The following POLR2E variants were observed in gnomAD, a reference collection of about 807,000 sequenced individuals.
The protein encoded by POLR2E is DNA-directed RNA polymerases I, II, and III subunit RPABC1.
Under a neutral mutation model 29.8 loss-of-function variants are expected in POLR2E, and 35 were observed. That is an observed-to-expected ratio of 1.17 (90% CI 0.90 to 1.55). The LOEUF is 1.55. Ranked by LOEUF, POLR2E falls within the 40% of genes most tolerant of loss-of-function variation. The pLI is 0.00. For missense variants in POLR2E, 287 were observed against 288.6 expected (o/e 0.99, Z 0.04); for synonymous variants, 174 against 112.6 (o/e 1.55, Z -3.45).
chr19:1,089,806 C>A, intron 6 of POLR2E, 78 bp downstream of exon 6: 1 of 1,185,260 alleles, frequency 8.4e-7, no homozygotes, highest in East Asian at 2.4e-5. Flanking sequence ...GAGGGGCTGT[C>A]GGGGAGGGAC....
rs2043858748 is a variant in POLR2E, at chr19:1,092,541, A to T, written c.233-634T>A. Among the ~76,000 whole-genome samples, 4 of 152,008 alleles carry T rather than the reference A, an allele frequency of 2.6e-5. No individual in the cohort carries two copies. In the South Asian group the frequency reaches 8.3e-4, roughly 32 times the overall value. On this transcript the variant is annotated intron_variant, in intron 2 of 7. Transcript: ENST00000615234. ...AAGGTGAAATCCCGTTTCTACTAAA[A>T]ATACAAAAAATTAGCCCACGCCCGC...
intron 2 of POLR2E, 35 bp from the exon 3 acceptor site, chr19:1,091,942 TG>T: frequency 6.8e-7 from 1 of 1,464,752 alleles, no homozygotes; most frequent in African/African-American, 1.4e-5. Flanking sequence ...TGCACGAGCC[TG>T]GGCCCTCGTG....
intron 1 of POLR2E, chr19:1,094,982 T>A: frequency 2.9e-5 from 11 of 372,938 alleles, no homozygotes; most frequent in East Asian, 5.6e-5. Flanking sequence ...CGCGGCTTCC[T>A]CCTCCTCTCG....
chr19:1,089,590 G>C, intron 6 of POLR2E, 39 bp from the exon 7 acceptor site: 1 of 1,555,248 alleles, frequency 6.4e-7, no homozygotes, highest in Non-Finnish European at 8.9e-7. Flanking sequence ...ATGCTTGAGG[G>C]GTCTCACTGC....
chr19:1,088,460 C>G lies in POLR2E; in HGVS notation c.*275G>C, dbSNP rs1189155514. Reference sequence around the variant, plus strand: ...GGACCCAGCGTGGTCTGGGTGAAGACCCGGCACCAGCTGCCCCCAGGTGAC... The same window carrying G: ...GGACCCAGCGTGGTCTGGGTGAAGAGCCGGCACCAGCTGCCCCCAGGTGAC... On this transcript the variant is annotated 3_prime_UTR_variant, in exon 8 of 8. Coordinates refer to ENST00000615234, the MANE Select transcript of POLR2E (RefSeq NM_002695.5). 2.0e-5 allele frequency: 3 copies of G among 152,460 alleles called. No individual in the cohort carries two copies. The highest frequency in any genetic ancestry group is 1.9e-4 in the East Asian group (1 of 5,188). The allele number at this position is 152,460 out of a possible 1,614,324, so 9.4% of individuals were successfully genotyped here.
chr19:1,091,778 GC>G lies in POLR2E; in HGVS notation c.348+13del. On this transcript the variant is annotated intron_variant, in intron 3 of 7. Transcript: ENST00000615234. The stretch of plus-strand genomic sequence containing the variant: ...GAGGGGGAGAGGCTGGCGGGGTGGG[GC>G]AGGGGTGCCCACCTGCTTGGCGGAG... 1 of 1,537,138 alleles carries G rather than the reference GC, an allele frequency of 6.5e-7. No individual in the cohort carries two copies. Among genetic ancestry groups the G allele is most frequent in the Non-Finnish European group, 8.9e-7 (1 of 1,117,992 alleles).
At position 1,088,625 on chromosome 19, in the gene POLR2E, G is replaced by C. The variant is rs1255158739; in HGVS notation, c.*110C>G. The C allele has an allele frequency of 1.3e-5, 2 of 152,622 alleles. No homozygotes were observed. Among genetic ancestry groups the C allele is most frequent in the Non-Finnish European group, 1.5e-5 (1 of 68,324 alleles). 9.5% of individuals were successfully genotyped at this position (152,622 alleles called of 1,614,324 possible). ...GCCACCTGCCTTGGGGAGTCCAGAG[G>C]AGCAGCAGCCGTGAGAGCTGTGGGG... On this transcript the variant is annotated 3_prime_UTR_variant, in exon 8 of 8. Transcript: ENST00000615234.
At chr19:1,088,959 G>A (rs1248479916) in intron 7 of POLR2E, among the ~76,000 whole-genome samples, 1 of 152,158 alleles carries the variant, frequency 6.6e-6, no homozygotes, top group Non-Finnish European at 1.5e-5. Context: ...GGCTGAGTGT[G>A]AAGTGGGGCG....
Position 1,093,887 on chromosome 19 carries a change from C to T in POLR2E, c.232+17G>A, listed in dbSNP as rs779330147. On this transcript the variant is annotated intron_variant, in intron 2 of 7. Transcript: ENST00000615234. ...TCTGGTGGCTTCACCGGAACTCCCC[C>T]GGGACCCGCTGCTCACCTGGAAAGA... is the stretch of plus-strand genomic sequence containing the variant. 75 of 1,564,170 alleles carry T rather than the reference C, an allele frequency of 4.8e-5. No homozygotes were observed. The East Asian group carries it at 5.1e-4, about 11-fold the overall frequency.
chr19:1,094,223 G>A (rs997783785), intron 1 of POLR2E, 145 bp from the exon 2 acceptor site: 2 of 673,688 alleles, frequency 3.0e-6, no homozygotes, highest in Non-Finnish European at 4.9e-6. Flanking sequence ...CTCCATGACA[G>A]CCACCCCGGC....
chr19:1,094,143 C>A, intron 1 of POLR2E, 65 bp from the exon 2 acceptor site: 1 of 1,488,050 alleles, frequency 6.7e-7, no homozygotes, highest in South Asian at 1.3e-5. Flanking sequence ...GCTCGTGACC[C>A]GGAAGTCAGA....
chr19:1,090,201 C>T, intron 4 of POLR2E, 56 bp from the exon 5 acceptor site: 1 of 1,479,860 alleles, frequency 6.8e-7, no homozygotes, highest in South Asian at 1.1e-5. Context: ...CCCCACGTGG[C>T]TCCCAGGTGC....
In POLR2E at chr19:1,089,464, C is replaced by T. The variant is rs377382408; in HGVS notation, c.*14+8G>A. 3.4e-5 allele frequency: 54 copies of T among 1,600,786 alleles called. No individual in the cohort carries two copies. In the Admixed American group the frequency reaches 6.5e-4, roughly 19 times the overall value. On this transcript the variant is annotated splice_region_variant and intron_variant, in intron 7 of 7. Transcript: ENST00000615234. ...CCCACCTCAGTGCCTGTCCCTCGGCCGTCTCACCTGTCAGGCGGTAGCTAC... is the reference window on the plus strand; with the variant it reads ...CCCACCTCAGTGCCTGTCCCTCGGCTGTCTCACCTGTCAGGCGGTAGCTAC...
chr19:1,089,768 G>A (rs1357100637), intron 6 of POLR2E, 116 bp downstream of exon 6: 2 of 886,398 alleles, frequency 2.3e-6, no homozygotes, highest in African/African-American at 1.7e-5. Flanking sequence ...GTGGTCTCGA[G>A]GTCCCCTCCA....
At chr19:1,091,702 GC>G (rs1179453684) in intron 3 of POLR2E, 89 bp downstream of exon 3, 11 of 877,094 alleles carry the variant, frequency 1.3e-5, no homozygotes, top group Admixed American at 9.2e-5. Flanking sequence ...CTGGCCCAAA[GC>G]CCAAGGCACG....
At position 1,093,972 on chromosome 19, in the gene POLR2E, C is replaced by T. The variant is rs1247192486; in HGVS notation, c.164G>A (p.Arg55His). 1.3e-5 allele frequency: 21 copies of T among 1,613,462 alleles called. 1 individual carries two copies. The highest frequency in any genetic ancestry group is 5.0e-5 in the Admixed American group (3 of 59,960). Residue 55 changes from arginine to histidine, a missense_variant, in exon 2 of 8, where the codon CGC becomes CAC. Physicochemically the swap from Arg to His is conservative, Grantham distance 29. Transcript: ENST00000615234. ...GDKPSEGRPRRTDLTVLVAHN... is the reference protein window; with the variant it reads ...GDKPSEGRPRHTDLTVLVAHN... ...GGCCACCAGCACGGTGAGGTCCGTG[C>T]GCCGCGGCCGCCCCTCACTCGGCTT...
At chr19:1,094,970 T>A (rs2043910034) in intron 1 of POLR2E, 168 of 309,610 alleles carry the variant, frequency 5.4e-4, no homozygotes, top group East Asian at 1.5e-3. Context: ...CCCGTCCCCA[T>A]TCGCGGCTTC....
At chr19:1,091,933 G>A in intron 2 of POLR2E, 26 bp from the exon 3 acceptor site, 3 of 1,537,618 alleles carry the variant, frequency 2.0e-6, no homozygotes, top group East Asian at 2.2e-5. Flanking sequence ...GTGCTGGCCT[G>A]CACGAGCCTG....
rs914576828 is a variant in POLR2E at position 1,087,986 on chromosome 19, A to C, written c.*749T>G. The C allele has an allele frequency of 6.6e-6, 1 of 152,396 alleles. No homozygotes were observed. Among genetic ancestry groups the C allele is most frequent in the African/African-American group, 2.4e-5 (1 of 41,446 alleles). The allele number at this position is 152,396 out of a possible 1,614,324, so 9.4% of individuals were successfully genotyped here. On this transcript the variant is annotated 3_prime_UTR_variant, in exon 8 of 8. Coordinates refer to ENST00000615234, the MANE Select transcript of POLR2E (RefSeq NM_002695.5). ...AGAACAACTCCACACCCTCACGGGA[A>C]GGGAAGAGACAGACACGCTCACGCC... is the stretch of plus-strand genomic sequence containing the variant.
Sources: gnomAD v4.1 joint callset for allele counts (sites outside exome capture counted in the v4.1 genomes callset) on GRCh38, gnomAD v4.1.1 for gene constraint, MANE v1.5 for transcripts, NCBI Gene and HGNC (gene_info 2026-07-23, HGNC 2026-07-21) for gene names.